Variants in DDHD1 observed in about 807,000 individuals in gnomAD.
The protein encoded by DDHD1 is phospholipase DDHD1.
Under a neutral mutation model 96.4 loss-of-function variants are expected in DDHD1, and 49 were observed. The observed-to-expected ratio is 0.51, with a 90% confidence interval of 0.40 to 0.64. The LOEUF is 0.64. Ranked by LOEUF, DDHD1 falls within the 30% of genes least tolerant of loss-of-function variation. The pLI, the probability that DDHD1 is intolerant of heterozygous loss-of-function variation, is 0.00. For synonymous variants in DDHD1, 442 were observed against 446.5 expected (o/e 0.99, Z 0.13); for missense variants, 1,106 against 1,161.2 (o/e 0.95, Z 0.69).
chr14:53,051,024 T>C (rs1882504977), intron 12 of DDHD1, among the ~76,000 whole-genome samples: 1 of 150,812 alleles, frequency 6.6e-6, no homozygotes, highest in African/African-American at 2.4e-5. Flanking sequence ...TTCACTGAGT[T>C]AGATCAACGC....
At chr14:53,142,811 C>T (rs1434355815) in intron 1 of DDHD1, among the ~76,000 whole-genome samples, 1 of 152,224 alleles carries the variant, frequency 6.6e-6, no homozygotes, top group African/African-American at 2.4e-5. Context: ...ACAAAAATCA[C>T]AGCTTCTCAT....
At chr14:53,115,638 C>T (rs1326720385) in intron 1 of DDHD1, among the ~76,000 whole-genome samples, 1 of 152,040 alleles carries the variant, frequency 6.6e-6, no homozygotes, top group South Asian at 2.1e-4. Flanking sequence ...AGCTTCATAA[C>T]CAAAGGAGAA....
intron 9 of DDHD1, among the ~76,000 whole-genome samples, 196 bp downstream of exon 9, chr14:53,058,281 A>G (rs1883237797): frequency 6.6e-6 from 1 of 151,868 alleles, no homozygotes; most frequent in Non-Finnish European, 1.5e-5. Context: ...CGCCCAGCTA[A>G]TTTTTGTATT....
chr14:53,044,739 A>T lies in DDHD1; in HGVS notation c.*2029T>A, dbSNP rs1297771362. The stretch of plus-strand genomic sequence containing the variant: ...TGGAGCCTTGGAATTTTTTTTAAAC[A>T]TTAAAAAGAAGTGCTTTATGTTGTT... On this transcript the variant is annotated 3_prime_UTR_variant, in exon 13 of 13. Coordinates refer to ENST00000673822, the MANE Select transcript of DDHD1 (RefSeq NM_001160148.2). The T allele has an allele frequency of 6.6e-6, 1 of 152,196 alleles. No individual in the cohort carries two copies. The highest frequency in any genetic ancestry group is 1.5e-5 in the Non-Finnish European group (1 of 68,032). 9.4% of individuals were successfully genotyped at this position (152,196 alleles called of 1,614,324 possible). A position where few individuals can be genotyped will look rare whatever the true frequency, so the allele number is the denominator to read the frequency against.
rs1037410749 is a variant in DDHD1 at position 53,044,581 on chromosome 14, C to G, written c.*2187G>C. ...AATTTTCCTGAGAACTAAATTAGAC[C>G]TACAAAATAAACAGGCTATGAAAAT... On this transcript the variant is annotated 3_prime_UTR_variant, in exon 13 of 13. Transcript: ENST00000673822. 2 of 152,068 alleles carry G rather than the reference C, an allele frequency of 1.3e-5. No homozygotes were observed. The highest frequency in any genetic ancestry group is 4.8e-5 in the African/African-American group (2 of 41,400). 9.4% of individuals were successfully genotyped at this position (152,068 alleles called of 1,614,324 possible).
chr14:53,063,304 C>G, intron 6 of DDHD1, 99 bp from the exon 7 acceptor site: 2 of 1,336,766 alleles, frequency 1.5e-6, no homozygotes, highest in Non-Finnish European at 2.0e-6. Flanking sequence ...ACATACATTA[C>G]CGATCAAATA....
intron 1 of DDHD1, among the ~76,000 whole-genome samples, chr14:53,140,617 TAGAAG>T (rs1444308709): frequency 2.4e-4 from 37 of 151,798 alleles, no homozygotes; most frequent in African/African-American, 8.9e-4. Flanking sequence ...ATATTAAAGA[TAGAAG>T]AGAATCATTA....
intron 1 of DDHD1, among the ~76,000 whole-genome samples, chr14:53,106,329 T>C (rs12884566): frequency 0.73 from 111,133 of 151,980 alleles, 43,496 homozygotes; most frequent in East Asian, 0.96. Context: ...TTTCTTTGAG[T>C]TTTTAAAAAT....
At chr14:53,120,866 TACCATTCAGGA>T (rs1888928503) in intron 1 of DDHD1, among the ~76,000 whole-genome samples, 1 of 152,030 alleles carries the variant, frequency 6.6e-6, no homozygotes, top group African/African-American at 2.4e-5. Flanking sequence ...ACCTAGGCAA[TACCATTCAGGA>T]CATAGGCATG....
intron 2 of DDHD1, among the ~76,000 whole-genome samples, chr14:53,096,573 C>G (rs1886900777): frequency 6.6e-6 from 1 of 151,958 alleles, no homozygotes. Context: ...TTTACTCTCA[C>G]CAAATTTGTG....
At chr14:53,125,511 T>TA (rs1566589201) in intron 1 of DDHD1, among the ~76,000 whole-genome samples, 2 of 152,242 alleles carry the variant, frequency 1.3e-5, no homozygotes, top group African/African-American at 4.8e-5. Context: ...ACACTGATTA[T>TA]AGCCATTCTA....
chr14:53,090,264 A>G (rs965577602), intron 4 of DDHD1, among the ~76,000 whole-genome samples: 2 of 152,358 alleles, frequency 1.3e-5, no homozygotes, highest in Admixed American at 1.3e-4. Context: ...GAACACTTTT[A>G]CACTGTTGGT....
intron 2 of DDHD1, among the ~76,000 whole-genome samples, chr14:53,098,637 T>C (rs945164547): frequency 6.6e-5 from 10 of 152,084 alleles, no homozygotes; most frequent in Admixed American, 5.9e-4. Flanking sequence ...ATCCTCTTAG[T>C]CACCAAAGAG....
Position 53,073,856 on chromosome 14 carries a change from AC to A in DDHD1, c.1290-10del, listed in dbSNP as rs760556082. 2 of 1,602,644 alleles carry A rather than the reference AC, an allele frequency of 1.2e-6. No individual in the cohort carries two copies. Among genetic ancestry groups the A allele is most frequent in the Non-Finnish European group, 1.7e-6 (2 of 1,173,706 alleles). On this transcript the variant is annotated splice_polypyrimidine_tract_variant and intron_variant, in intron 4 of 12. Transcript: ENST00000673822. The stretch of plus-strand genomic sequence containing the variant: ...TTGCAGCTTCTCTCATCCTAAAAAA[AC>A]AAACAAACAAAAATGCAAACAAAGC...
In DDHD1 at chr14:53,044,087, GAC is replaced by G. The variant is rs1223455719; in HGVS notation, c.*2679_*2680del. 7.9e-5 allele frequency: 12 copies of G among 152,120 alleles called. No individual in the cohort carries two copies. Among genetic ancestry groups the G allele is most frequent in the Non-Finnish European group, 1.8e-4 (12 of 68,014 alleles). 9.4% of individuals were successfully genotyped at this position (152,120 alleles called of 1,614,324 possible). ...ACTTAGCTTCTAATCAAGCCAGAATGACACACAGTCTGTATATTAATTAAGTA... is the reference window on the plus strand; with the variant it reads ...ACTTAGCTTCTAATCAAGCCAGAATGACACAGTCTGTATATTAATTAAGTA... On this transcript the variant is annotated 3_prime_UTR_variant, in exon 13 of 13. Coordinates refer to ENST00000673822, the MANE Select transcript of DDHD1 (RefSeq NM_001160148.2).
chr14:53,151,183 C>G (rs1310222709), intron 1 of DDHD1, among the ~76,000 whole-genome samples: 1 of 152,124 alleles, frequency 6.6e-6, no homozygotes, highest in Non-Finnish European at 1.5e-5. Flanking sequence ...TGGTAAGGTC[C>G]TAACATACAG....
rs1337349225 is a variant in DDHD1, at chr14:53,042,594, G to A, written c.*4174C>T. The A allele has an allele frequency of 6.6e-6, 1 of 152,198 alleles. No individual in the cohort carries two copies. The highest frequency in any genetic ancestry group is 1.5e-5 in the Non-Finnish European group (1 of 68,030). The allele number at this position is 152,198 out of a possible 1,614,324, so 9.4% of individuals were successfully genotyped here. On this transcript the variant is annotated 3_prime_UTR_variant, in exon 13 of 13. Coordinates refer to ENST00000673822, the MANE Select transcript of DDHD1 (RefSeq NM_001160148.2). ...CAAGCATCTACTGAAGACTGAAAGA[G>A]AAAGCATATAACCCAGGCTGTCACC...
intron 2 of DDHD1, among the ~76,000 whole-genome samples, chr14:53,094,148 G>T (rs1466655456): frequency 1.3e-5 from 2 of 151,422 alleles, no homozygotes; most frequent in Admixed American, 6.6e-5. Context: ...CTGCACTCCC[G>T]CCTGGGCTAC....
At chr14:53,051,523 GAAAT>G (rs1882568468) in intron 12 of DDHD1, among the ~76,000 whole-genome samples, 1 of 151,860 alleles carries the variant, frequency 6.6e-6, no homozygotes, top group Admixed American at 6.6e-5. Context: ...TAAATGAAAA[GAAAT>G]AGCAAACCTC....
Sources: gnomAD v4.1 joint callset for allele counts (sites outside exome capture counted in the v4.1 genomes callset) on GRCh38, gnomAD v4.1.1 for gene constraint, MANE v1.5 for transcripts, NCBI Gene and HGNC (gene_info 2026-07-23, HGNC 2026-07-21) for gene names.